The following EWSR1 variants were observed in gnomAD, a reference collection of about 807,000 sequenced individuals.
The protein encoded by EWSR1 is EWS RNA binding protein 1, also known as RNA-binding protein EWS.
EWSR1 carries 14 observed loss-of-function variants against 92.1 expected under a neutral mutation model. The observed-to-expected ratio is 0.15, with a 90% CI of 0.10 to 0.24. The LOEUF is 0.24. EWSR1 is among the 10% of genes least tolerant of loss of function. The pLI, the probability that EWSR1 is intolerant of heterozygous loss-of-function variation, is 1.00. For missense variants in EWSR1, 637 were observed against 870.9 expected, an observed-to-expected ratio of 0.73 and a Z score of 3.38; for synonymous variants, 303 against 292.9, an observed-to-expected ratio of 1.03 and a Z score of -0.35.
chr22:29,268,924 C>A (rs2058395121), intron 1 of EWSR1, among the ~76,000 whole-genome samples: 1 of 152,258 alleles, frequency 6.6e-6, no homozygotes, highest in African/African-American at 2.4e-5. Flanking sequence ...GAGCTGCCCC[C>A]TCTGTGGCTT....
intron 6 of EWSR1, among the ~76,000 whole-genome samples, chr22:29,286,686 CAAAAAAA>C (rs373796997): frequency 3.9e-5 from 3 of 76,346 alleles, no homozygotes; most frequent in Non-Finnish European, 7.8e-5. Flanking sequence ...CACTCTGTCT[CAAAAAAA>C]AAAAAAAAAA....
At chr22:29,293,227 C>CT (rs1375765512) in intron 11 of EWSR1, among the ~76,000 whole-genome samples, 1 of 152,120 alleles carries the variant, frequency 6.6e-6, no homozygotes, top group African/African-American at 2.4e-5. Flanking sequence ...GGGCTGGTCT[C>CT]TAACTCCTGG....
rs1343500506 is a variant in EWSR1, at chr22:29,272,359, T to C, written c.51-21T>C. On this transcript the variant is annotated intron_variant, in intron 2 of 16. Transcript: ENST00000397938. ...ATTTGAATGTTCTCTATTCAAGTTA[T>C]TGCATTTAATTCTTTTGCAGCTACA... 5.6e-6 allele frequency: 9 copies of C among 1,614,048 alleles called. No individual in the cohort carries two copies. In the South Asian group the frequency reaches 6.6e-5, roughly 12 times the overall value.
At chr22:29,282,009 C>G (rs1231836004) in intron 5 of EWSR1, among the ~76,000 whole-genome samples, 1 of 152,218 alleles carries the variant, frequency 6.6e-6, no homozygotes. Flanking sequence ...AGTTTCTGGT[C>G]TTCAGCAGTC....
intron 9 of EWSR1, 95 bp from the exon 10 acceptor site, chr22:29,292,042 A>AT (rs1308289363): frequency 1.9e-6 from 2 of 1,044,318 alleles, no homozygotes; most frequent in African/African-American, 3.1e-5. Flanking sequence ...TCCCCATCAA[A>AT]TGGTGGTATA....
intron 11 of EWSR1, among the ~76,000 whole-genome samples, chr22:29,294,478 C>T (rs1345439908): frequency 6.6e-6 from 1 of 151,210 alleles, no homozygotes; most frequent in Non-Finnish European, 1.5e-5. Context: ...TGGTGGCGGG[C>T]ACCTGTAGTC....
Position 29,299,766 on chromosome 22 carries a change from G to A in EWSR1, c.1846G>A (p.Gly616Ser). The A allele has an allele frequency of 6.2e-7, 1 of 1,607,286 alleles. No homozygotes were observed. Among genetic ancestry groups the A allele is most frequent in the East Asian group, 2.2e-5 (1 of 44,756 alleles). Reference sequence around the variant, plus strand: ...AGGTGGCTTTGGTGGAGGAAGACGAGGTGGCCCTGGGGGGCCCCCTGGACC... The same window carrying A: ...AGGTGGCTTTGGTGGAGGAAGACGAAGTGGCCCTGGGGGGCCCCCTGGACC... ...DRGGFGGGRR[G>S]GPGGPPGPLM... The change falls in exon 16 of 17, where the codon GGT becomes AGT. Residue 616 changes from glycine to serine, a missense_variant. Transcript: ENST00000397938.
chr22:29,288,443 A>T (rs2060212157), intron 7 of EWSR1, among the ~76,000 whole-genome samples, 163 bp from the exon 8 acceptor site: 1 of 152,198 alleles, frequency 6.6e-6, no homozygotes, highest in African/African-American at 2.4e-5. Context: ...AGTTTTGTTG[A>T]ACTTAAAAGA....
At chr22:29,285,686 A>G (rs1056444762) in intron 6 of EWSR1, among the ~76,000 whole-genome samples, 3 of 151,368 alleles carry the variant, frequency 2.0e-5, no homozygotes, top group Non-Finnish European at 2.9e-5. Flanking sequence ...ATTGGCGGGC[A>G]GGCTTGGAAC....
At chr22:29,285,122 GTTTTT>G (rs35739164) in intron 6 of EWSR1, among the ~76,000 whole-genome samples, 1 of 111,608 alleles carries the variant, frequency 9.0e-6, no homozygotes, top group Admixed American at 1.0e-4. Context: ...TCTGGCCCTT[GTTTTT>G]TTTTTTTTTT....
intron 14 of EWSR1, 136 bp from the exon 15 acceptor site, chr22:29,299,098 C>T (rs964046270): frequency 6.5e-7 from 1 of 1,533,714 alleles, no homozygotes; most frequent in Non-Finnish European, 8.9e-7. Context: ...TGCAATGCTG[C>T]CTGAGGCTGT....
intron 4 of EWSR1, 32 bp downstream of exon 4, chr22:29,273,896 G>T (rs139936762): frequency 1.2e-6 from 2 of 1,612,312 alleles, no homozygotes; most frequent in South Asian, 2.2e-5. Flanking sequence ...TTTTTGGGTC[G>T]TTCTGGCTAG....
At chr22:29,275,894 TTTC>T in intron 4 of EWSR1, 1 of 230,458 alleles carries the variant, frequency 4.3e-6, no homozygotes, top group Non-Finnish European at 8.6e-6. Context: ...GTAGGTGTGT[TTTC>T]TTTTTTTGCC....
At chr22:29,291,668 T>A (rs1223218245) in intron 9 of EWSR1, 69 bp downstream of exon 9, 1 of 1,413,472 alleles carries the variant, frequency 7.1e-7, no homozygotes, top group South Asian at 1.3e-5. Context: ...AAAACTATAA[T>A]TTTTTTATTA....
intron 8 of EWSR1, chr22:29,290,324 C>G: frequency 7.3e-7 from 1 of 1,363,176 alleles, no homozygotes; most frequent in East Asian, 2.5e-5. Flanking sequence ...TTAACATGCC[C>G]TTTTTCATTG....
At chr22:29,269,947 C>T (rs1348628849) in intron 1 of EWSR1, among the ~76,000 whole-genome samples, 1 of 152,236 alleles carries the variant, frequency 6.6e-6, no homozygotes, top group Non-Finnish European at 1.5e-5. Flanking sequence ...TTTCTGTTGA[C>T]ACAAAGTAAA....
chr22:29,290,318 C>A, intron 8 of EWSR1: 1 of 1,255,406 alleles, frequency 8.0e-7, no homozygotes. Flanking sequence ...ATGTTGTTAA[C>A]ATGCCCTTTT....
intron 12 of EWSR1, among the ~76,000 whole-genome samples, 189 bp downstream of exon 12, chr22:29,296,557 ATTAG>A (rs1026640925): frequency 4.6e-5 from 7 of 152,214 alleles, no homozygotes; most frequent in Non-Finnish European, 8.8e-5. Context: ...ATTTTGAGGC[ATTAG>A]TATTACAAAT....
chr22:29,300,231 A>G lies in EWSR1; in HGVS notation c.*70A>G, dbSNP rs2061244377. 7.2e-7 allele frequency: 1 copy of G among 1,397,766 alleles called. No individual in the cohort carries two copies. The highest frequency in any genetic ancestry group is 1.7e-5 in the Admixed American group (1 of 57,412). 86.6% of individuals were successfully genotyped at this position (1,397,766 alleles called of 1,614,324 possible). The stretch of plus-strand genomic sequence containing the variant: ...TTAAACCAGAAAATGTTTTAAATTT[A>G]TAATTCCATATTTATAATGTTGGCC... On this transcript the variant is annotated 3_prime_UTR_variant, in exon 17 of 17. Coordinates refer to ENST00000397938, the MANE Select transcript of EWSR1 (RefSeq NM_005243.4).
Sources: allele counts gnomAD v4.1 joint callset (sites outside exome capture counted in the v4.1 genomes callset), GRCh38; gene constraint gnomAD v4.1.1; transcripts MANE v1.5; gene names NCBI Gene and HGNC (gene_info 2026-07-23, HGNC 2026-07-21).